CERS4: variants seen among roughly 807,000 people sequenced by gnomAD.
CERS4 encodes LAG1 homolog, ceramide synthase 4.
CERS4 carries 65 observed loss-of-function variants against 51.8 expected under a neutral mutation model. The ratio of observed to expected loss-of-function variants is 1.26; its 90% CI spans 1.03 to 1.54. The LOEUF is 1.54. Among genes scored for constraint, CERS4 ranks in the 40% most tolerant of loss-of-function variants. The probability of loss-of-function intolerance (pLI) is 0.00; values close to 1 mark genes in which losing one functional copy is unlikely to be tolerated. For synonymous variants in CERS4, 228 were observed against 208.4 expected (o/e 1.09, Z -0.81); for missense variants, 563 against 500.4 (o/e 1.13, Z -1.19).
chr19:8,238,678 G>C (rs1302698688), intron 2 of CERS4: 1 of 743,308 alleles, frequency 1.3e-6, no homozygotes, highest in African/African-American at 1.9e-5. Flanking sequence ...TGAGGGGGCT[G>C]ACAGGAGAGG....
chr19:8,242,458 A>T (rs1968578307), intron 2 of CERS4, among the ~76,000 whole-genome samples: 1 of 152,082 alleles, frequency 6.6e-6, no homozygotes, highest in Non-Finnish European at 1.5e-5. Flanking sequence ...AGAGTTTAGA[A>T]CTGGTTATGC....
Position 8,255,713 on chromosome 19 carries a change from T to A in CERS4, c.398T>A (p.Phe133Tyr), listed in dbSNP as rs750743958. 4.3e-6 allele frequency: 7 copies of A among 1,612,764 alleles called. No homozygotes were observed. In the East Asian group the frequency reaches 6.7e-5, roughly 15 times the overall value. The change falls in exon 5 of 12, where the codon TTC (phenylalanine) becomes TAC (tyrosine). Residue 133 changes from phenylalanine to tyrosine, a missense_variant. Transcript: ENST00000251363. Reference protein sequence around the residue: ...NQDRPQLTKKFCEASWRFLFY... With the variant: ...NQDRPQLTKKYCEASWRFLFY... ...GATCGACCCCAGCTGACCAAGAAGTTCTGTGAGGCCAGGTAAGCCCAGGAT... is the reference window on the plus strand; with the variant it reads ...GATCGACCCCAGCTGACCAAGAAGTACTGTGAGGCCAGGTAAGCCCAGGAT...
chr19:8,256,864 T>A, intron 8 of CERS4, 85 bp from the exon 9 acceptor site: 1 of 1,604,970 alleles, frequency 6.2e-7, no homozygotes, highest in Non-Finnish European at 8.5e-7. Context: ...ACCAACCCCC[T>A]GAAAGGACCC....
intron 2 of CERS4, among the ~76,000 whole-genome samples, chr19:8,245,122 A>AAAAACAAAAAAAAACAAAACAAC (rs1555777239): frequency 7.7e-6 from 1 of 129,258 alleles, no homozygotes. Context: ...AAAAAAAAAA[A>AAAAACAAAAAAAAACAAAACAAC]AAAAAAAAAA....
Position 8,255,853 on chromosome 19 carries a change from G to A in CERS4, c.442G>A (p.Val148Met), listed in dbSNP as rs368683716. The change falls in exon 6 of 12, where the codon GTG (valine) becomes ATG (methionine). Residue 148 changes from valine (V) to methionine (M), a missense_variant. By Grantham distance (21) the Val-to-Met change is conservative. Transcript: ENST00000251363. ...WRFLFYLSSFVGGLSVLYHES... is the reference protein window; with the variant it reads ...WRFLFYLSSFMGGLSVLYHES... ...GTTTCTCTTCTACCTGTCCTCCTTC[G>A]TGGGCGGCCTCTCGGTCCTGTACCA... 1.4e-4 allele frequency: 232 copies of A among 1,613,794 alleles called. No individual in the cohort carries two copies. The highest frequency in any genetic ancestry group is 1.9e-4 in the Non-Finnish European group (222 of 1,180,016).
chr19:8,260,304 CCT>C (rs1262909885), intron 10 of CERS4, among the ~76,000 whole-genome samples: 17 of 100,820 alleles, frequency 1.7e-4, no homozygotes, highest in Non-Finnish European at 2.6e-4. Flanking sequence ...AAGCAATTCT[CCT>C]GCCTCAGCCT....
intron 10 of CERS4, among the ~76,000 whole-genome samples, chr19:8,259,195 A>C (rs1345442401): frequency 1.3e-5 from 2 of 152,172 alleles, no homozygotes; most frequent in African/African-American, 4.8e-5. Context: ...TTGGAATTAG[A>C]ATGGCAGGTA....
rs1372514982 is a variant in CERS4, at chr19:8,257,161, A to G, written c.741+84A>G. 6.4e-6 allele frequency: 9 copies of G among 1,409,812 alleles called. No individual in the cohort carries two copies. The African/African-American group carries it at 8.7e-5, about 14-fold the overall frequency. The allele number at this position is 1,409,812 out of a possible 1,614,324, so 87.3% of individuals were successfully genotyped here. On this transcript the variant is annotated intron_variant, in intron 9 of 11. Transcript: ENST00000251363. ...CCAGAGATGAGGTCCCATTCCTCCCAACCTTCCTGGGAGATGGAGCCCCAC... is the reference window on the plus strand; with the variant it reads ...CCAGAGATGAGGTCCCATTCCTCCCGACCTTCCTGGGAGATGGAGCCCCAC...
intron 2 of CERS4, among the ~76,000 whole-genome samples, chr19:8,242,342 A>C (rs1267307133): frequency 6.6e-6 from 1 of 152,228 alleles, no homozygotes; most frequent in Admixed American, 6.5e-5. Context: ...CAATCAGGGC[A>C]TATCAGTCTG....
chr19:8,229,946 G>A (rs1043522985), intron 2 of CERS4, among the ~76,000 whole-genome samples: 1 of 151,732 alleles, frequency 6.6e-6, no homozygotes, highest in African/African-American at 2.4e-5. Context: ...GGCTGGCCTC[G>A]AACTCCTGAG....
chr19:8,235,025 T>TTTC (rs71165299), intron 2 of CERS4, among the ~76,000 whole-genome samples: 9 of 147,310 alleles, frequency 6.1e-5, no homozygotes, highest in South Asian at 2.1e-4. Flanking sequence ...TTTTTTTTTT[T>TTTC]CAGACAGAGT....
intron 2 of CERS4, among the ~76,000 whole-genome samples, chr19:8,246,367 G>C (rs989957238): frequency 6.6e-6 from 1 of 151,828 alleles, no homozygotes; most frequent in Non-Finnish European, 1.5e-5. Flanking sequence ...GACCAGCCTG[G>C]ATAACATAGG....
rs892884825 is a variant in CERS4, at chr19:8,262,126, G to C, written c.*17G>C. On this transcript the variant is annotated 3_prime_UTR_variant, in exon 12 of 12. Transcript: ENST00000251363. ...GCCACATAGCCGGGCGGGGCTGGCTGTAAGGGGTTGCCCCCCCGCCAGTGC... is the reference window on the plus strand; with the variant it reads ...GCCACATAGCCGGGCGGGGCTGGCTCTAAGGGGTTGCCCCCCCGCCAGTGC... 56 of 1,439,714 alleles carry C rather than the reference G, an allele frequency of 3.9e-5. No individual in the cohort carries two copies. The highest frequency in any genetic ancestry group is 4.8e-5 in the Non-Finnish European group (53 of 1,098,858). 89.2% of individuals were successfully genotyped at this position (1,439,714 alleles called of 1,614,324 possible). A position where few individuals can be genotyped will look rare whatever the true frequency, so the allele number is the denominator to read the frequency against.
chr19:8,234,542 A>AC (rs1968152610), intron 2 of CERS4, among the ~76,000 whole-genome samples: 16 of 54,158 alleles, frequency 3.0e-4, no homozygotes, highest in African/African-American at 1.2e-3. Context: ...CCACCATTCT[A>AC]TTTTTTTTTT....
At chr19:8,226,777 G>T (rs1035740448) in intron 2 of CERS4, among the ~76,000 whole-genome samples, 10 of 152,100 alleles carry the variant, frequency 6.6e-5, no homozygotes, top group African/African-American at 2.4e-4. Context: ...CGGATTGCCT[G>T]AGGTCAAGAG....
At chr19:8,228,685 A>T (rs530889570) in intron 2 of CERS4, among the ~76,000 whole-genome samples, 139 of 144,452 alleles carry the variant, frequency 9.6e-4, no homozygotes, top group East Asian at 7.7e-3. Flanking sequence ...CAAAAAAAAA[A>T]TTTTTTTTTT....
intron 2 of CERS4, among the ~76,000 whole-genome samples, chr19:8,217,378 T>A (rs879602689): frequency 2.6e-5 from 4 of 151,222 alleles, no homozygotes; most frequent in Admixed American, 6.6e-5. Flanking sequence ...CGTTTTTTAA[T>A]TTTTTTTTGA....
At chr19:8,215,088 A>C (rs1490489564) in intron 2 of CERS4, among the ~76,000 whole-genome samples, 2 of 151,746 alleles carry the variant, frequency 1.3e-5, no homozygotes, top group Non-Finnish European at 2.9e-5. Flanking sequence ...CCAGAGCTGG[A>C]TGGAGGAGCC....
Position 8,257,979 on chromosome 19 carries a change from C to T in CERS4, c.842C>T (p.Pro281Leu). Residue 281 changes from proline to leucine, a missense_variant, in exon 10 of 12, where the codon CCC becomes CTC. Coordinates refer to ENST00000251363, the MANE Select transcript of CERS4 (RefSeq NM_024552.3). ...VFFYTRLVLF[P>L]TQILYTTYYE... ...TTCTACACCCGACTGGTCCTCTTTC[C>T]CACCCAGTGAGTCAGCCCTCCCATG... The T allele has an allele frequency of 2.5e-6, 4 of 1,613,354 alleles. No homozygotes were observed. Among genetic ancestry groups the T allele is most frequent in the Non-Finnish European group, 3.4e-6 (4 of 1,179,538 alleles).
Sources: gnomAD v4.1 joint callset for allele counts (sites outside exome capture counted in the v4.1 genomes callset) on GRCh38, gnomAD v4.1.1 for gene constraint, MANE v1.5 for transcripts, NCBI Gene and HGNC (gene_info 2026-07-23, HGNC 2026-07-21) for gene names.